Variants in PHYHD1 observed in about 807,000 individuals in gnomAD.
PHYHD1 encodes phytanoyl-CoA dioxygenase domain-containing protein 1.
In PHYHD1, 42 loss-of-function variants were observed where a neutral mutation model predicts 43.6. The ratio of observed to expected loss-of-function variants is 0.96; its 90% CI spans 0.75 to 1.25. The LOEUF is 1.25. Ranked by LOEUF, PHYHD1 falls within the 50% of genes most tolerant of loss-of-function variation. The pLI is 0.00. For missense variants in PHYHD1, 342 were observed against 370.8 expected (o/e 0.92, Z 0.64); for synonymous variants, 139 against 143.6 (o/e 0.97, Z 0.23).
Position 128,931,117 on chromosome 9 carries a change from T to C in PHYHD1, c.193-2665T>C, listed in dbSNP as rs544531026. 5.9e-5 allele frequency among the ~76,000 whole-genome samples: 9 copies of C among 151,976 alleles called. No individual in the cohort carries two copies. The East Asian group carries it at 1.5e-3, about 26-fold the overall frequency. ...ACCACTGCAATAGAGCCAGGATTTT[T>C]TTGTTTTGTTTGAGATATATTTTCG... On this transcript the variant is annotated intron_variant, in intron 4 of 12. Coordinates refer to ENST00000372592, the MANE Select transcript of PHYHD1 (RefSeq NM_001100876.2).
chr9:128,936,024 C>T (rs1341045387), intron 6 of PHYHD1, among the ~76,000 whole-genome samples: 4 of 152,182 alleles, frequency 2.6e-5, no homozygotes, highest in Non-Finnish European at 5.9e-5. Flanking sequence ...CCTGCACATT[C>T]ATTAGCCCAT....
In PHYHD1 at chr9:128,941,707, C is replaced by T; in HGVS notation, c.870C>T (p.Tyr290=). ...PTAELPFPQL[Y]T ...CTGAACTGCCCTTTCCCCAACTGTACACCTAAAGGCTCTCGCAGGGCAGGA... is the reference window on the plus strand; with the variant it reads ...CTGAACTGCCCTTTCCCCAACTGTATACCTAAAGGCTCTCGCAGGGCAGGA... The change falls in exon 13 of 13, where the codon TAC becomes TAT. Residue 290 remains tyrosine, a synonymous_variant. Transcript: ENST00000372592. 5.0e-6 allele frequency: 8 copies of T among 1,614,220 alleles called. No individual in the cohort carries two copies. Among genetic ancestry groups the T allele is most frequent in the Non-Finnish European group, 6.8e-6 (8 of 1,180,046 alleles).
In PHYHD1 at chr9:128,941,505, G is replaced by T; in HGVS notation, c.764G>T (p.Arg255Leu). 6.2e-7 allele frequency: 1 copy of T among 1,614,000 alleles called. No individual in the cohort carries two copies. The highest frequency in any genetic ancestry group is 1.1e-5 in the South Asian group (1 of 91,076). Residue 255 changes from arginine (R) to leucine (L), a missense_variant, in exon 12 of 13, where the codon CGC becomes CTC. Physicochemically the swap from Arg to Leu is moderately radical, Grantham distance 102. Transcript: ENST00000372592. Reference sequence around the variant, plus strand: ...AAGAGCAAGCAGAACCTCTCTGACCGCTCGCGCCAGGCCTACACTTTCCAC... The same window carrying T: ...AAGAGCAAGCAGAACCTCTCTGACCTCTCGCGCCAGGCCTACACTTTCCAC... ...VHKSKQNLSD[R>L]SRQAYTFHLM...
In PHYHD1 at chr9:128,932,163, A is replaced by ATTTTT. The variant is rs1564540363; in HGVS notation, c.193-1617_193-1616insTTTTT. ...GGAAGTCAGTTCTATTATTATTATT[A>ATTTTT]TTATTGTTATTATTATTATTATTTT... is the stretch of plus-strand genomic sequence containing the variant. On this transcript the variant is annotated intron_variant, in intron 4 of 12. Coordinates refer to ENST00000372592, the MANE Select transcript of PHYHD1 (RefSeq NM_001100876.2). Among the ~76,000 whole-genome samples the ATTTTT allele has an allele frequency of 6.3e-4, 79 of 125,250 alleles. 1 individual carries two copies. Among genetic ancestry groups the ATTTTT allele is most frequent in the African/African-American group, 2.4e-3 (73 of 29,798 alleles). The allele number at this position is 125,250 out of a possible 152,430, so 82.2% of individuals were successfully genotyped here.
chr9:128,929,538 T>C (rs572519118), intron 4 of PHYHD1, among the ~76,000 whole-genome samples: 11 of 151,994 alleles, frequency 7.2e-5, no homozygotes, highest in African/African-American at 2.7e-4. Context: ...CTGGGCATGG[T>C]GGCAGGCGCC....
intron 3 of PHYHD1, among the ~76,000 whole-genome samples, chr9:128,926,603 G>C (rs1321522737): frequency 1.4e-5 from 2 of 142,906 alleles, no homozygotes; most frequent in East Asian, 4.1e-4. Flanking sequence ...CTGTTGCTCA[G>C]GCTGGAGTGC....
chr9:128,933,741 C>T (rs765361417), intron 4 of PHYHD1, 41 bp from the exon 5 acceptor site: 6 of 1,596,534 alleles, frequency 3.8e-6, no homozygotes, highest in Non-Finnish European at 5.2e-6. Context: ...AGCTCTGACC[C>T]CAGGATGCTG....
At position 128,927,135 on chromosome 9, in the gene PHYHD1, A is replaced by G. The variant is rs201809500; in HGVS notation, c.131A>G (p.Asp44Gly). Residue 44 changes from aspartate to glycine, a missense_variant, in exon 4 of 13, where the codon GAT (aspartate) becomes GGT (glycine). Coordinates refer to ENST00000372592, the MANE Select transcript of PHYHD1 (RefSeq NM_001100876.2). ...QRIGEIVAEM[D>G]VPLHCRTEFS... ...ATTGGCGAGATAGTGGCTGAAATGG[A>G]TGTTCCTCTCCACTGCCGCACAGAA... 8.1e-6 allele frequency: 13 copies of G among 1,614,092 alleles called. No homozygotes were observed. In the Admixed American group the frequency reaches 2.0e-4, roughly 25 times the overall value.
chr9:128,922,495 C>A, intron 3 of PHYHD1, 139 bp downstream of exon 3: 1 of 1,050,402 alleles, frequency 9.5e-7, no homozygotes, highest in African/African-American at 1.6e-5. Context: ...GGGTTCCCAA[C>A]CGCAACCCCT....
At chr9:128,932,519 C>T (rs1484193992) in intron 4 of PHYHD1, among the ~76,000 whole-genome samples, 1 of 152,074 alleles carries the variant, frequency 6.6e-6, no homozygotes, top group Non-Finnish European at 1.5e-5. Context: ...AGGCATGCGC[C>T]ACCATGCCCG....
intron 11 of PHYHD1, 66 bp from the exon 12 acceptor site, chr9:128,941,379 C>T: frequency 1.3e-6 from 2 of 1,589,612 alleles, no homozygotes; most frequent in South Asian, 2.2e-5. Context: ...GGCCCATGTC[C>T]CTTCCTGCTC....
At chr9:128,939,884 A>C (rs1177101933) in intron 9 of PHYHD1, among the ~76,000 whole-genome samples, 1 of 150,284 alleles carries the variant, frequency 6.7e-6, no homozygotes, top group Non-Finnish European at 1.5e-5. Context: ...CAAATTCCTG[A>C]CCTCAGGTGA....
chr9:128,941,393 G>C lies in PHYHD1; in HGVS notation c.704-52G>C, dbSNP rs545619065. On this transcript the variant is annotated intron_variant, in intron 11 of 12. Coordinates refer to ENST00000372592, the MANE Select transcript of PHYHD1 (RefSeq NM_001100876.2). ...GGGCCCATGTCCCTTCCTGCTCTGGGGAGGGGGGATGTGGGGCTGGTAGGT... is the reference window on the plus strand; with the variant it reads ...GGGCCCATGTCCCTTCCTGCTCTGGCGAGGGGGGATGTGGGGCTGGTAGGT... 63 of 1,602,024 alleles carry C rather than the reference G, an allele frequency of 3.9e-5. No homozygotes were observed. The African/African-American group carries it at 7.1e-4, about 18-fold the overall frequency.
chr9:128,938,113 C>A (rs1366736204), intron 9 of PHYHD1, among the ~76,000 whole-genome samples: 1 of 152,122 alleles, frequency 6.6e-6, no homozygotes, highest in Non-Finnish European at 1.5e-5. Context: ...TCGAGACCAG[C>A]CTGGCCAACA....
chr9:128,929,190 G>A (rs1841211449), intron 4 of PHYHD1, among the ~76,000 whole-genome samples: 1 of 152,086 alleles, frequency 6.6e-6, no homozygotes. Context: ...AATTAGCTGG[G>A]CATGGTGGTA....
At chr9:128,934,172 G>A in intron 6 of PHYHD1, 114 bp downstream of exon 6, 1 of 1,135,590 alleles carries the variant, frequency 8.8e-7, no homozygotes, top group Non-Finnish European at 1.3e-6. Flanking sequence ...CAGATCACTT[G>A]AAGTCAGGAG....
intron 11 of PHYHD1, 102 bp from the exon 12 acceptor site, chr9:128,941,343 G>A: frequency 6.8e-7 from 1 of 1,479,524 alleles, no homozygotes; most frequent in Non-Finnish European, 9.2e-7. Flanking sequence ...GATGGATGGG[G>A]GCCACAAAAC....
At chr9:128,940,847 G>A in intron 11 of PHYHD1, 132 bp downstream of exon 11, 1 of 861,714 alleles carries the variant, frequency 1.2e-6, no homozygotes. Context: ...AGAAGGAGGG[G>A]CTGGATGGGC....
intron 3 of PHYHD1, among the ~76,000 whole-genome samples, chr9:128,924,931 G>A (rs954333058): frequency 1.4e-4 from 21 of 152,064 alleles, no homozygotes; most frequent in South Asian, 1.0e-3. Context: ...GTGAGACTCC[G>A]TCTCAAAAAG....
Sources: gnomAD v4.1 joint callset for allele counts (sites outside exome capture counted in the v4.1 genomes callset) on GRCh38, gnomAD v4.1.1 for gene constraint, MANE v1.5 for transcripts, NCBI Gene and HGNC (gene_info 2026-07-23, HGNC 2026-07-21) for gene names.